DPP10: variants seen among roughly 807,000 people sequenced by gnomAD.
DPP10 encodes dipeptidyl peptidase like 10, also known as inactive dipeptidyl peptidase 10.
A neutral mutation model predicts 120.9 loss-of-function variants in DPP10; 33 were observed. The observed-to-expected ratio is 0.27, with a 90% CI of 0.21 to 0.37. The LOEUF is 0.37. DPP10 is among the 10% of genes least tolerant of loss of function. The pLI is 1.00. For synonymous variants in DPP10, 337 were observed against 326.1 expected, an observed-to-expected ratio of 1.03 and a Z score of -0.36; for missense variants, 816 against 942.8, an observed-to-expected ratio of 0.87 and a Z score of 1.76.
intron 8 of DPP10, among the ~76,000 whole-genome samples, chr2:115,730,786 C>T (rs558524947): frequency 6.6e-6 from 1 of 152,192 alleles, no homozygotes; most frequent in South Asian, 2.1e-4. Context: ...TGTGATGATG[C>T]TGTAGGTCTG....
At chr2:114,678,096 T>C (rs1698786632) in intron 1 of DPP10, among the ~76,000 whole-genome samples, 1 of 152,158 alleles carries the variant, frequency 6.6e-6, no homozygotes, top group East Asian at 1.9e-4. Flanking sequence ...TTATCACTTA[T>C]GCCTGAGAGT....
At chr2:115,303,751 C>A (rs1241151026) in intron 1 of DPP10, among the ~76,000 whole-genome samples, 1 of 151,742 alleles carries the variant, frequency 6.6e-6, no homozygotes, top group South Asian at 2.1e-4. Context: ...AATTTGTATT[C>A]CCAGCTTCAT....
chr2:114,752,966 T>C (rs1279805041), intron 1 of DPP10, among the ~76,000 whole-genome samples: 1 of 152,186 alleles, frequency 6.6e-6, no homozygotes. Flanking sequence ...CACTGGATCC[T>C]GTGAGCATCC....
At chr2:114,927,791 A>G (rs995669061) in intron 1 of DPP10, among the ~76,000 whole-genome samples, 1 of 152,234 alleles carries the variant, frequency 6.6e-6, no homozygotes, top group African/African-American at 2.4e-5. Context: ...AGGCTGTACA[A>G]GACGCATGAC....
chr2:114,802,906 G>A (rs1684385752), intron 1 of DPP10, among the ~76,000 whole-genome samples: 1 of 152,108 alleles, frequency 6.6e-6, no homozygotes, highest in Non-Finnish European at 1.5e-5. Flanking sequence ...TAACATAAAT[G>A]TTCAAACTAT....
intron 1 of DPP10, among the ~76,000 whole-genome samples, chr2:115,220,204 C>T (rs1180851954): frequency 6.6e-6 from 1 of 152,138 alleles, no homozygotes; most frequent in African/African-American, 2.4e-5. Context: ...AGTCTATGCT[C>T]TTAATCATTA....
At chr2:114,896,218 C>T (rs1256296031) in intron 1 of DPP10, among the ~76,000 whole-genome samples, 1 of 152,106 alleles carries the variant, frequency 6.6e-6, no homozygotes, top group African/African-American at 2.4e-5. Context: ...GCGATGCGGG[C>T]TCTTTTTTGG....
At chr2:114,888,690 G>A (rs570634753) in intron 1 of DPP10, among the ~76,000 whole-genome samples, 6 of 152,272 alleles carry the variant, frequency 3.9e-5, no homozygotes, top group Admixed American at 3.9e-4. Flanking sequence ...TCATATTAAA[G>A]TGTTTTATTC....
intron 1 of DPP10, among the ~76,000 whole-genome samples, chr2:114,557,000 CT>C (rs59230198): frequency 0.05 from 6,958 of 138,570 alleles, 566 homozygotes; most frequent in African/African-American, 0.17. Flanking sequence ...GCAAAGACAG[CT>C]TTTTTTTTTT....
At chr2:115,695,478 C>G (rs1448964303) in intron 7 of DPP10, among the ~76,000 whole-genome samples, 1 of 152,040 alleles carries the variant, frequency 6.6e-6, no homozygotes, top group Non-Finnish European at 1.5e-5. Flanking sequence ...AGAGCAAAGT[C>G]ACGTCTTACA....
intron 1 of DPP10, among the ~76,000 whole-genome samples, chr2:115,151,873 T>A (rs916782966): frequency 3.3e-5 from 5 of 152,034 alleles, no homozygotes; most frequent in Middle Eastern, 3.2e-3. Context: ...TTTTTCTCCT[T>A]CTCAACTTGA....
At chr2:114,889,289 T>C (rs1277882647) in intron 1 of DPP10, among the ~76,000 whole-genome samples, 1 of 152,318 alleles carries the variant, frequency 6.6e-6, no homozygotes, top group South Asian at 2.1e-4. Context: ...GCACTGGATG[T>C]AGGAAAATCT....
rs70941091 is a variant in DPP10, at chr2:115,715,028, CAA to C, written c.577-12768_577-12767del. On this transcript the variant is annotated intron_variant, in intron 7 of 25. Transcript: ENST00000410059. Reference sequence around the variant, plus strand: ...TGGGAGACAGAGCAAGACTCTGTCTCAAAAAAAAAAAAAAAAAAAAATTATGA... The same window carrying C: ...TGGGAGACAGAGCAAGACTCTGTCTCAAAAAAAAAAAAAAAAAAATTATGA... Among the ~76,000 whole-genome samples, 459 of 66,108 alleles carry C rather than the reference CAA, an allele frequency of 6.9e-3. 3 individuals are homozygous for C. The highest frequency in any genetic ancestry group is 0.028 in the African/African-American group (434 of 15,338). 43.4% of individuals were successfully genotyped at this position (66,108 alleles called of 152,430 possible). A position where few individuals can be genotyped will look rare whatever the true frequency, so the allele number is the denominator to read the frequency against.
At chr2:115,143,137 C>T (rs916903205) in intron 1 of DPP10, among the ~76,000 whole-genome samples, 2 of 152,112 alleles carry the variant, frequency 1.3e-5, no homozygotes, top group African/African-American at 4.8e-5. Context: ...TGGGATATTG[C>T]CTGGTTCTAG....
At chr2:115,456,110 T>A (rs1388641890) in intron 3 of DPP10, among the ~76,000 whole-genome samples, 4 of 151,404 alleles carry the variant, frequency 2.6e-5, no homozygotes, top group African/African-American at 9.7e-5. Context: ...AGAACTTAAA[T>A]TTACAAGAAA....
chr2:114,614,551 TTTAA>T (rs1316698200), intron 1 of DPP10, among the ~76,000 whole-genome samples: 3 of 152,208 alleles, frequency 2.0e-5, no homozygotes, highest in African/African-American at 7.2e-5. Context: ...CTAATTAACC[TTTAA>T]TTGTCTATTG....
At chr2:115,394,941 A>T (rs1479769192) in intron 3 of DPP10, among the ~76,000 whole-genome samples, 1 of 152,206 alleles carries the variant, frequency 6.6e-6, no homozygotes, top group South Asian at 2.1e-4. Flanking sequence ...CAAGAATAAG[A>T]TGATAATTTG....
intron 3 of DPP10, among the ~76,000 whole-genome samples, chr2:115,361,540 A>C (rs2064768498): frequency 6.6e-6 from 1 of 151,984 alleles, no homozygotes; most frequent in South Asian, 2.1e-4. Flanking sequence ...CCCTCATGCA[A>C]AATCTTCTGA....
chr2:114,466,372 T>C (rs191247860), intron 1 of DPP10, among the ~76,000 whole-genome samples: 23 of 152,344 alleles, frequency 1.5e-4, no homozygotes, highest in African/African-American at 5.3e-4. Flanking sequence ...TATATGCATA[T>C]ATTTAAGCAT....
Sources: allele counts gnomAD v4.1 joint callset (sites outside exome capture counted in the v4.1 genomes callset), GRCh38; gene constraint gnomAD v4.1.1; transcripts MANE v1.5; gene names NCBI Gene and HGNC (gene_info 2026-07-23, HGNC 2026-07-21).